TLE1: variants seen among roughly 807,000 people sequenced by gnomAD.
TLE1 encodes the protein TLE family member 1, transcriptional corepressor.
In TLE1, 21 loss-of-function variants were observed where a neutral mutation model predicts 89.8. The observed-to-expected ratio is 0.23, with a 90% CI of 0.17 to 0.34. TLE1 has a LOEUF of 0.34. Among genes scored for constraint, TLE1 ranks in the 10% least tolerant of loss-of-function variants. The pLI is 1.00. For synonymous variants in TLE1, 447 were observed against 407.6 expected, an observed-to-expected ratio of 1.10 and a Z score of -1.16; for missense variants, 795 against 1,031.2, an observed-to-expected ratio of 0.77 and a Z score of 3.14.
At chr9:81,687,926 C>T (rs928423873) in intron 1 of TLE1, among the ~76,000 whole-genome samples, 2 of 152,096 alleles carry the variant, frequency 1.3e-5, no homozygotes, top group Non-Finnish European at 2.9e-5. Flanking sequence ...CCTGCCCCCA[C>T]TCGGGGAAGG....
intron 6 of TLE1, among the ~76,000 whole-genome samples, chr9:81,635,273 C>T (rs1320582470): frequency 1.3e-5 from 2 of 152,178 alleles, no homozygotes; most frequent in Non-Finnish European, 1.5e-5. Context: ...GATGAAAATA[C>T]TGAGACCTAG....
rs201576970 is a variant in TLE1 at position 81,591,012 on chromosome 9, T to C, written c.1622A>G (p.Asp541Gly). The C allele has an allele frequency of 6.2e-7, 1 of 1,614,202 alleles. No individual in the cohort carries two copies. The highest frequency in any genetic ancestry group is 2.2e-5 in the East Asian group (1 of 44,876). Residue 541 changes from aspartate (D) to glycine (G), a missense_variant, in exon 16 of 20, where the codon GAT becomes GGT. This residue lies in a region of TLE1 where 214 missense variants were observed against 354.9 expected (regional missense o/e 0.60). Transcript: ENST00000376499. ...CCCTCCCACTATGAGAGTGCAGCCA[T>C]CGGGTAGCAATTTACAGGAACGGAT... ...NYIRSCKLLP[D>G]GCTLIVGGEA...
chr9:81,608,675 G>A (rs148561185), intron 14 of TLE1, among the ~76,000 whole-genome samples: 2 of 152,138 alleles, frequency 1.3e-5, no homozygotes, highest in Non-Finnish European at 2.9e-5. Flanking sequence ...GGTGGCTCAC[G>A]CCTGTAATCG....
At chr9:81,648,539 CTCTA>C (rs1167952323) in intron 6 of TLE1, among the ~76,000 whole-genome samples, 2 of 152,180 alleles carry the variant, frequency 1.3e-5, no homozygotes, top group Admixed American at 6.5e-5. Context: ...ATATGTATCT[CTCTA>C]TATTATCCCT....
At chr9:81,679,771 G>C (rs1009462552) in intron 4 of TLE1, among the ~76,000 whole-genome samples, 3 of 152,162 alleles carry the variant, frequency 2.0e-5, no homozygotes, top group Non-Finnish European at 2.9e-5. Flanking sequence ...CAATGGGGAG[G>C]GGAGAGGGTA....
intron 14 of TLE1, among the ~76,000 whole-genome samples, chr9:81,604,454 A>G (rs556345399): frequency 1.3e-5 from 2 of 152,322 alleles, no homozygotes; most frequent in African/African-American, 4.8e-5. Flanking sequence ...AGCTGCCATG[A>G]GGATGATAGA....
chr9:81,652,106 T>TAC (rs3045544), intron 6 of TLE1, 108 bp downstream of exon 6: 79,365 of 691,236 alleles, frequency 0.11, 1,581 homozygotes, highest in South Asian at 0.22. Context: ...AACGTTAAGA[T>TAC]ACACACACAC....
chr9:81,642,008 G>A (rs1342541342), intron 6 of TLE1, among the ~76,000 whole-genome samples: 2 of 151,632 alleles, frequency 1.3e-5, no homozygotes, highest in African/African-American at 2.4e-5. Flanking sequence ...GGCAACAAGA[G>A]CAAAACTCCA....
intron 6 of TLE1, among the ~76,000 whole-genome samples, chr9:81,635,702 T>C (rs955932898): frequency 2.0e-5 from 3 of 152,202 alleles, no homozygotes; most frequent in Admixed American, 2.0e-4. Context: ...TATTAAATCT[T>C]CATGCCAGAT....
At chr9:81,599,266 G>A (rs974464911) in intron 14 of TLE1, among the ~76,000 whole-genome samples, 6 of 152,130 alleles carry the variant, frequency 3.9e-5, no homozygotes, top group African/African-American at 1.4e-4. Flanking sequence ...GCTAGTAAGC[G>A]GTAGACCAAC....
chr9:81,687,013 G>A (rs2133196481), intron 2 of TLE1, among the ~76,000 whole-genome samples: 1 of 152,304 alleles, frequency 6.6e-6, no homozygotes, highest in African/African-American at 2.4e-5. Flanking sequence ...TTGAACCAAT[G>A]TTTCAGCTCA....
intron 8 of TLE1, among the ~76,000 whole-genome samples, chr9:81,627,107 G>A (rs1825997835): frequency 6.6e-6 from 1 of 152,062 alleles, no homozygotes; most frequent in Admixed American, 6.6e-5. Flanking sequence ...ACTTGACTAA[G>A]TCATCTGTGT....
intron 14 of TLE1, among the ~76,000 whole-genome samples, chr9:81,600,401 C>T (rs553775653): frequency 3.3e-5 from 5 of 152,076 alleles, no homozygotes; most frequent in Admixed American, 1.3e-4. Flanking sequence ...CCCAGCTACT[C>T]AGGAGGCTGA....
intron 4 of TLE1, among the ~76,000 whole-genome samples, chr9:81,656,983 C>G (rs1470940371): frequency 6.6e-6 from 1 of 152,164 alleles, no homozygotes; most frequent in Non-Finnish European, 1.5e-5. Flanking sequence ...AGGGTTCCTG[C>G]TCTCCCACCC....
intron 16 of TLE1, among the ~76,000 whole-genome samples, chr9:81,588,619 C>A (rs550010802): frequency 6.6e-6 from 1 of 152,322 alleles, no homozygotes; most frequent in South Asian, 2.1e-4. Flanking sequence ...CAACAGGGAT[C>A]TGCTGAGCAC....
intron 8 of TLE1, among the ~76,000 whole-genome samples, 190 bp downstream of exon 8, chr9:81,633,158 G>T (rs542781481): frequency 1.3e-5 from 2 of 151,882 alleles, no homozygotes; most frequent in Non-Finnish European, 2.9e-5. Context: ...AGAGCAGAGC[G>T]AACAGTCATA....
At chr9:81,659,648 C>T (rs183838550) in intron 4 of TLE1, among the ~76,000 whole-genome samples, 16 of 152,256 alleles carry the variant, frequency 1.1e-4, no homozygotes, top group African/African-American at 3.6e-4. Flanking sequence ...TTCTCCTTAC[C>T]TATGCCAACT....
In TLE1 at chr9:81,659,141, C is replaced by T. The variant is rs573051548; in HGVS notation, c.235-5105G>A. Among the ~76,000 whole-genome samples the T allele has an allele frequency of 4.3e-4, 65 of 152,176 alleles. 1 individual carries two copies. In the East Asian group the frequency reaches 0.012, roughly 28 times the overall value. ...CCAGGATGGTCTCGATCTCCTGATCCTCGTGATCCGCCCACCTCAGCCTCC... is the reference window on the plus strand; with the variant it reads ...CCAGGATGGTCTCGATCTCCTGATCTTCGTGATCCGCCCACCTCAGCCTCC... On this transcript the variant is annotated intron_variant, in intron 4 of 19. Transcript: ENST00000376499.
intron 6 of TLE1, among the ~76,000 whole-genome samples, chr9:81,648,829 T>A (rs1829190638): frequency 6.9e-6 from 1 of 144,758 alleles, no homozygotes; most frequent in Non-Finnish European, 1.5e-5. Flanking sequence ...AACAAAAATG[T>A]TGCTTATGGT....
Sources: gnomAD v4.1 joint callset for allele counts (sites outside exome capture counted in the v4.1 genomes callset) on GRCh38, gnomAD v4.1.1 for gene constraint, gnomAD v4.1.1 regional missense constraint, MANE v1.5 for transcripts, NCBI Gene and HGNC (gene_info 2026-07-23, HGNC 2026-07-21) for gene names.